The following ASF1A variants were observed in gnomAD, a reference collection of about 807,000 sequenced individuals.
ASF1A encodes histone chaperone ASF1A.
In ASF1A, 5 loss-of-function variants were observed where a neutral mutation model predicts 22.0. That is an observed-to-expected ratio of 0.23 (90% CI 0.12 to 0.48). ASF1A has a LOEUF of 0.48. ASF1A is among the 20% of genes least tolerant of loss of function. The pLI, the probability that ASF1A is intolerant of heterozygous loss-of-function variation, is 0.99. For synonymous variants in ASF1A, 97 were observed against 86.7 expected (o/e 1.12, Z -0.66); for missense variants, 137 against 240.6 (o/e 0.57, Z 2.85).
chr6:118,894,519 G>T lies in ASF1A; in HGVS notation c.106G>T (p.Glu36Ter), dbSNP rs1779206981. The T allele has an allele frequency of 6.5e-7, 1 of 1,536,748 alleles. No individual in the cohort carries two copies. The highest frequency in any genetic ancestry group is 8.7e-7 in the Non-Finnish European group (1 of 1,146,568). The change falls in exon 1 of 4, where the codon GAA becomes TAA. Residue 36 changes from glutamate (E) to a stop codon, truncating the protein, a stop_gained. Coordinates refer to ENST00000229595, the MANE Select transcript of ASF1A (RefSeq NM_014034.3). LOFTEE classifies it high-confidence loss of function. ...ITFECIEDLSEDLEWKIIYVG... is the reference protein window; with the variant it reads ...ITFECIEDLS ...CTTCGAGTGCATCGAGGACCTGTCT[G>T]AAGGTGAGTGCGGCGCCCGTGCGCC... is the stretch of plus-strand genomic sequence containing the variant.
At chr6:118,897,159 A>G (rs1373922729) in intron 1 of ASF1A, among the ~76,000 whole-genome samples, 1 of 152,106 alleles carries the variant, frequency 6.6e-6, no homozygotes, top group East Asian at 1.9e-4. Context: ...TATTTTGAAA[A>G]GAATTTTCTT....
At chr6:118,905,253 C>A (rs1295676391) in intron 2 of ASF1A, among the ~76,000 whole-genome samples, 4 of 152,136 alleles carry the variant, frequency 2.6e-5, no homozygotes, top group Non-Finnish European at 4.4e-5. Flanking sequence ...CATTTGTGGC[C>A]AACAGTCTAT....
chr6:118,904,024 C>G (rs142478996), intron 2 of ASF1A, among the ~76,000 whole-genome samples: 29 of 152,270 alleles, frequency 1.9e-4, no homozygotes, highest in African/African-American at 6.5e-4. Flanking sequence ...AGTTAAAGAA[C>G]TGAGATTTTA....
intron 1 of ASF1A, among the ~76,000 whole-genome samples, chr6:118,899,736 C>G (rs1199620449): frequency 1.3e-5 from 2 of 152,132 alleles, no homozygotes; most frequent in Non-Finnish European, 2.9e-5. Context: ...ATTTAGGGAA[C>G]AAAAATATCT....
chr6:118,905,739 G>C lies in ASF1A; in HGVS notation c.313G>C (p.Glu105Gln), dbSNP rs1337456089. The C allele has an allele frequency of 6.2e-7, 1 of 1,613,478 alleles. No individual in the cohort carries two copies. Among genetic ancestry groups the C allele is most frequent in the Non-Finnish European group, 8.5e-7 (1 of 1,179,642 alleles). The stretch of plus-strand genomic sequence containing the variant: ...AATTACTTGTACCTATCGAGGACAA[G>C]AATTTATTAGAGTTGGCTATTATGT... ...VLITCTYRGQ[E>Q]FIRVGYYVNN... Residue 105 changes from glutamate (E) to glutamine (Q), a missense_variant, in exon 3 of 4, where the codon GAA becomes CAA. Glu to Gln is a conservative substitution (Grantham distance 29). This residue lies in a region of ASF1A where 96 missense variants were observed against 196.7 expected (regional missense o/e 0.49). Coordinates refer to ENST00000229595, the MANE Select transcript of ASF1A (RefSeq NM_014034.3).
intron 2 of ASF1A, among the ~76,000 whole-genome samples, chr6:118,904,247 G>A (rs1416880150): frequency 6.6e-6 from 1 of 152,224 alleles, no homozygotes; most frequent in Admixed American, 6.5e-5. Context: ...CTGACTAGAT[G>A]TAGGAGATAA....
chr6:118,906,181 T>C (rs2114552373), intron 3 of ASF1A, among the ~76,000 whole-genome samples: 1 of 152,302 alleles, frequency 6.6e-6, no homozygotes. Context: ...CAAGCGATTC[T>C]CCTGTCTCAG....
At position 118,894,489 on chromosome 6, in the gene ASF1A, A is replaced by G; in HGVS notation, c.76A>G (p.Ile26Val). 1 of 1,537,066 alleles carries G rather than the reference A, an allele frequency of 6.5e-7. No homozygotes were observed. Among genetic ancestry groups the G allele is most frequent in the South Asian group, 1.2e-5 (1 of 84,064 alleles). ...SPFYNPFQFE[I>V]TFECIEDLSE... ...TTTCTACAACCCGTTCCAGTTCGAG[A>G]TCACCTTCGAGTGCATCGAGGACCT... Residue 26 changes from isoleucine to valine, a missense_variant, in exon 1 of 4, where the codon ATC (isoleucine) becomes GTC (valine). Physicochemically the swap from Ile to Val is conservative, Grantham distance 29. This residue lies in a region of ASF1A where 96 missense variants were observed against 196.7 expected (regional missense o/e 0.49). Coordinates refer to ENST00000229595, the MANE Select transcript of ASF1A (RefSeq NM_014034.3).
chr6:118,901,720 A>G (rs1408338989), intron 2 of ASF1A, among the ~76,000 whole-genome samples: 1 of 152,228 alleles, frequency 6.6e-6, no homozygotes, highest in East Asian at 1.9e-4. Context: ...GTAACTAGCC[A>G]TAGGTTTTTT....
chr6:118,905,891 T>C, intron 3 of ASF1A, 63 bp downstream of exon 3: 2 of 1,258,290 alleles, frequency 1.6e-6, no homozygotes, highest in South Asian at 1.5e-5. Flanking sequence ...CAGTTGCTAT[T>C]GCAATTTCAT....
At chr6:118,898,342 T>G (rs1779574434) in intron 1 of ASF1A, among the ~76,000 whole-genome samples, 1 of 152,228 alleles carries the variant, frequency 6.6e-6, no homozygotes, top group South Asian at 2.1e-4. Context: ...AAATGCGAAT[T>G]TATACCACTT....
intron 1 of ASF1A, among the ~76,000 whole-genome samples, chr6:118,899,198 C>T (rs1043259011): frequency 6.6e-6 from 1 of 152,218 alleles, no homozygotes; most frequent in African/African-American, 2.4e-5. Context: ...ATATTGAACA[C>T]AGCAATCAAA....
chr6:118,907,386 T>C lies in ASF1A; in HGVS notation c.403-16T>C. On this transcript the variant is annotated splice_polypyrimidine_tract_variant and intron_variant, in intron 3 of 3. Coordinates refer to ENST00000229595, the MANE Select transcript of ASF1A (RefSeq NM_014034.3). Reference sequence around the variant, plus strand: ...TTCTTAGTGTTTACCATTTGTATGTTTCCTTTTTCCTCTAGCTTCAAAGGA... The same window carrying C: ...TTCTTAGTGTTTACCATTTGTATGTCTCCTTTTTCCTCTAGCTTCAAAGGA... 1 of 1,547,322 alleles carries C rather than the reference T, an allele frequency of 6.5e-7. No homozygotes were observed. The highest frequency in any genetic ancestry group is 8.8e-7 in the Non-Finnish European group (1 of 1,135,092).
chr6:118,895,987 G>A (rs972769772), intron 1 of ASF1A, among the ~76,000 whole-genome samples: 1 of 150,936 alleles, frequency 6.6e-6, no homozygotes, highest in Admixed American at 6.6e-5. Flanking sequence ...TGTACTCAGT[G>A]CCTTGCCCTA....
At position 118,903,867 on chromosome 6, in the gene ASF1A, G is replaced by A. The variant is rs1233783395; in HGVS notation, c.226-1785G>A. Among the ~76,000 whole-genome samples the A allele has an allele frequency of 5.3e-5, 8 of 152,224 alleles. No individual in the cohort carries two copies. The East Asian group carries it at 1.4e-3, about 26-fold the overall frequency. On this transcript the variant is annotated intron_variant, in intron 2 of 3. Coordinates refer to ENST00000229595, the MANE Select transcript of ASF1A (RefSeq NM_014034.3). ...CTCCCAAAGTGCTAGGATTACAGGC[G>A]TGAGCCACCGTGCTCAGAGCGTGAA...
chr6:118,900,815 C>A lies in ASF1A; in HGVS notation c.159C>A (p.Tyr53Ter). The A allele has an allele frequency of 6.2e-7, 1 of 1,613,756 alleles. No homozygotes were observed. Among genetic ancestry groups the A allele is most frequent in the Non-Finnish European group, 8.5e-7 (1 of 1,179,732 alleles). Reference sequence around the variant, plus strand: ...TGGGCTCTGCAGAAAGTGAAGAATACGATCAAGTTTTAGACTCTGTTTTAG... The same window carrying A: ...TGGGCTCTGCAGAAAGTGAAGAATAAGATCAAGTTTTAGACTCTGTTTTAG... The part of the protein sequence containing the change: ...IYVGSAESEE[Y>*]DQVLDSVLVG... The change falls in exon 2 of 4, where the codon TAC becomes TAA. Residue 53 changes from tyrosine to a stop codon, truncating the protein, a stop_gained. Coordinates refer to ENST00000229595, the MANE Select transcript of ASF1A (RefSeq NM_014034.3). LOFTEE classifies it high-confidence loss of function.
Position 118,894,531 on chromosome 6 carries a change from GGCGCCCGT to G in ASF1A, c.109+17_109+24del. The G allele has an allele frequency of 6.5e-7, 1 of 1,534,348 alleles. No individual in the cohort carries two copies. The highest frequency in any genetic ancestry group is 8.7e-7 in the Non-Finnish European group (1 of 1,144,342). On this transcript the variant is annotated intron_variant, in intron 1 of 3. Transcript: ENST00000229595. ...CGAGGACCTGTCTGAAGGTGAGTGCGGCGCCCGTGCGCCCGGGCTGTCAGTTGCGGGCT... is the reference window on the plus strand; with the variant it reads ...CGAGGACCTGTCTGAAGGTGAGTGCGGCGCCCGGGCTGTCAGTTGCGGGCT...
chr6:118,904,100 A>AG (rs11370751), intron 2 of ASF1A, among the ~76,000 whole-genome samples: 44,410 of 152,086 alleles, frequency 0.29, 7,795 homozygotes, highest in African/African-American at 0.49. Context: ...CCAAAGAGAA[A>AG]GAACATATCT....
intron 1 of ASF1A, among the ~76,000 whole-genome samples, chr6:118,897,287 A>C (rs1779487184): frequency 6.6e-6 from 1 of 152,184 alleles, no homozygotes; most frequent in South Asian, 2.1e-4. Context: ...TTGCTTCAGA[A>C]AAAGCCTTGA....
Sources: gnomAD v4.1 joint callset for allele counts (sites outside exome capture counted in the v4.1 genomes callset) on GRCh38, gnomAD v4.1.1 for gene constraint, gnomAD v4.1.1 regional missense constraint, MANE v1.5 for transcripts, NCBI Gene and HGNC (gene_info 2026-07-23, HGNC 2026-07-21) for gene names.